DNAI3: variants seen among roughly 807,000 people sequenced by gnomAD.
The protein encoded by DNAI3 is dynein axonemal intermediate chain 3.
DNAI3 carries 83 observed loss-of-function variants against 115.5 expected under a neutral mutation model. The observed-to-expected ratio is 0.72, with a 90% CI of 0.60 to 0.86. DNAI3 has a LOEUF of 0.86. Among genes scored for constraint, DNAI3 ranks in the 40% least tolerant of loss-of-function variants. DNAI3 has a pLI of 0.00. For synonymous variants in DNAI3, 320 were observed against 347.0 expected (o/e 0.92, Z 0.86); for missense variants, 1,004 against 1,075.8 (o/e 0.93, Z 0.93).
intron 13 of DNAI3, among the ~76,000 whole-genome samples, chr1:85,100,837 A>C (rs1372318093): frequency 8.5e-5 from 13 of 152,284 alleles, no homozygotes; most frequent in Non-Finnish European, 1.6e-4. Flanking sequence ...CATGGATGAA[A>C]CTGGAAACCA....
intron 9 of DNAI3, 87 bp downstream of exon 9, chr1:85,093,735 T>C: frequency 6.7e-7 from 1 of 1,500,922 alleles, no homozygotes; most frequent in African/African-American, 1.4e-5. Flanking sequence ...ACTAGTTCAA[T>C]GTCAATAAGA....
At chr1:85,108,321 A>G in intron 15 of DNAI3, 144 bp downstream of exon 15, 1 of 881,302 alleles carries the variant, frequency 1.1e-6, no homozygotes. Flanking sequence ...TTATTCAACC[A>G]ATAAATTCCT....
At chr1:85,112,451 C>A (rs570776163) in intron 16 of DNAI3, among the ~76,000 whole-genome samples, 1 of 152,180 alleles carries the variant, frequency 6.6e-6, no homozygotes, top group African/African-American at 2.4e-5. Flanking sequence ...CTGGGTACAT[C>A]CCTAGGAATA....
rs1376712490 is a variant in DNAI3 at position 85,084,657 on chromosome 1, G to T, written c.502G>T (p.Glu168Ter). 4 of 1,551,152 alleles carry T rather than the reference G, an allele frequency of 2.6e-6. No homozygotes were observed. Among genetic ancestry groups the T allele is most frequent in the Non-Finnish European group, 3.5e-6 (4 of 1,148,266 alleles). The change falls in exon 6 of 23, where the codon GAA becomes TAA. Residue 168 changes from glutamate (E) to a stop codon, truncating the protein, a stop_gained. Transcript: ENST00000294664. LOFTEE classifies it high-confidence loss of function. ...KPWVSLGSEK[E>*]IEEESVTEST... ...ATGGGTTTCTTTGGGCAGTGAAAAA[G>T]AAATTGAGGAAGAATCAGTTACGGA...
rs72166976 is a variant in DNAI3 at position 85,101,727 on chromosome 1, C to CAAAAA, written c.1480-2776_1480-2772dup. ...TGGGCGACAGAGCGAGACTCCATCT[C>CAAAAA]AAAAAAAAAAAAAAAAAAAAAAAAA... is the stretch of plus-strand genomic sequence containing the variant. On this transcript the variant is annotated intron_variant, in intron 13 of 22. Transcript: ENST00000294664. 1.2e-3 allele frequency among the ~76,000 whole-genome samples: 17 copies of CAAAAA among 14,436 alleles called. 2 individuals are homozygous for CAAAAA. The highest frequency in any genetic ancestry group is 1.9e-3 in the African/African-American group (6 of 3,162). The allele number at this position is 14,436 out of a possible 152,430, so 9.5% of individuals were successfully genotyped here.
intron 14 of DNAI3, among the ~76,000 whole-genome samples, chr1:85,106,338 T>C (rs1033245348): frequency 6.6e-5 from 10 of 152,116 alleles, no homozygotes; most frequent in Non-Finnish European, 7.4e-5. Flanking sequence ...AACCACAGAA[T>C]AGGAAAAAAT....
At chr1:85,126,119 A>G (rs1656126054) in intron 19 of DNAI3, among the ~76,000 whole-genome samples, 2 of 152,188 alleles carry the variant, frequency 1.3e-5, no homozygotes, top group Admixed American at 6.5e-5. Flanking sequence ...AGCTGTTTCC[A>G]TGGGAAGCAG....
chr1:85,081,540 C>A, intron 4 of DNAI3, 125 bp downstream of exon 4: 2 of 780,986 alleles, frequency 2.6e-6, no homozygotes, highest in Non-Finnish European at 1.9e-6. Flanking sequence ...GCTAGCTTGC[C>A]CACCCCTCCT....
At chr1:85,092,962 A>G (rs78537839) in intron 8 of DNAI3, among the ~76,000 whole-genome samples, 2 of 152,218 alleles carry the variant, frequency 1.3e-5, no homozygotes, top group Non-Finnish European at 2.9e-5. Flanking sequence ...GAAAACTGCC[A>G]TTTGTGACAG....
chr1:85,082,362 T>C lies in DNAI3; in HGVS notation c.348T>C (p.Phe116=). The C allele has an allele frequency of 6.2e-7, 1 of 1,613,996 alleles. No homozygotes were observed. The highest frequency in any genetic ancestry group is 1.6e-4 in the Middle Eastern group (1 of 6,062). ...AAGACTTCAAATATGGACTTAACTT[T>C]TATCTTATTGCAACTGAAGAGGGCA... ...YDKDFKYGLN[F]YLIATEEGKE... Residue 116 remains phenylalanine, a synonymous_variant, in exon 5 of 23, where the codon TTT becomes TTC. Transcript: ENST00000294664.
intron 5 of DNAI3, among the ~76,000 whole-genome samples, chr1:85,084,330 TTTC>T (rs2100570348): frequency 6.7e-6 from 1 of 148,290 alleles, no homozygotes; most frequent in East Asian, 2.0e-4. Flanking sequence ...CTACTGTCTT[TTTC>T]TTCTTTCTAT....
intron 21 of DNAI3, 100 bp downstream of exon 21, chr1:85,128,899 AG>A: frequency 1.0e-6 from 1 of 989,102 alleles, no homozygotes; most frequent in South Asian, 1.4e-5. Flanking sequence ...TTGCTCTGTA[AG>A]GGAACAAAAG....
At chr1:85,071,499 C>T (rs1286826279) in intron 1 of DNAI3, among the ~76,000 whole-genome samples, 2 of 152,184 alleles carry the variant, frequency 1.3e-5, no homozygotes, top group East Asian at 1.9e-4. Flanking sequence ...TATGCATATG[C>T]ACACTGTGGG....
chr1:85,084,795 C>G, intron 6 of DNAI3, 100 bp downstream of exon 6: 2 of 1,194,294 alleles, frequency 1.7e-6, no homozygotes, highest in East Asian at 3.0e-5. Flanking sequence ...GCTATGGAGG[C>G]ATAGTTTTTG....
At chr1:85,073,182 T>C (rs1350203260) in intron 3 of DNAI3, 90 bp downstream of exon 3, 5 of 946,332 alleles carry the variant, frequency 5.3e-6, no homozygotes, top group Admixed American at 2.7e-5. Flanking sequence ...CAAACTGAAG[T>C]GATCAATCAA....
intron 13 of DNAI3, among the ~76,000 whole-genome samples, chr1:85,104,287 A>AT (rs1373324597): frequency 1.3e-4 from 19 of 151,740 alleles, no homozygotes; most frequent in African/African-American, 1.9e-4. Flanking sequence ...CGCCCGGCTA[A>AT]TTTTTTGTAT....
chr1:85,128,761 G>T lies in DNAI3; in HGVS notation c.2371G>T (p.Glu791Ter). Residue 791 changes from glutamate (E) to a stop codon, truncating the protein, a stop_gained, in exon 21 of 23, where the codon GAA becomes TAA. Coordinates refer to ENST00000294664, the MANE Select transcript of DNAI3 (RefSeq NM_145172.5). LOFTEE classifies it high-confidence loss of function. ...ADYYGTLHIL[E>*]IPWTLSRPST... Reference sequence around the variant, plus strand: ...TTATTATGGAACACTGCATATATTAGAAATTCCTTGGACATTAAGTCGCCC... The same window carrying T: ...TTATTATGGAACACTGCATATATTATAAATTCCTTGGACATTAAGTCGCCC... 1 of 1,613,026 alleles carries T rather than the reference G, an allele frequency of 6.2e-7. No individual in the cohort carries two copies. The highest frequency in any genetic ancestry group is 2.2e-5 in the East Asian group (1 of 44,840).
chr1:85,068,373 C>T lies in DNAI3; in HGVS notation c.-14-3555C>T, dbSNP rs186262509. 4.9e-4 allele frequency among the ~76,000 whole-genome samples: 75 copies of T among 152,096 alleles called. 1 individual carries two copies. Among genetic ancestry groups the T allele is most frequent in the Admixed American group, 1.6e-3 (24 of 15,266 alleles). Reference sequence around the variant, plus strand: ...TCATTGATGTTATCCTTCTCATAAGCGATATGTTCAAGTCACCAGTGAATC... The same window carrying T: ...TCATTGATGTTATCCTTCTCATAAGTGATATGTTCAAGTCACCAGTGAATC... On this transcript the variant is annotated intron_variant, in intron 1 of 22. Transcript: ENST00000294664.
At chr1:85,108,691 G>A (rs545122919) in intron 15 of DNAI3, among the ~76,000 whole-genome samples, 2 of 152,224 alleles carry the variant, frequency 1.3e-5, no homozygotes, top group South Asian at 4.2e-4. Flanking sequence ...TAATTTTGGG[G>A]TTTGGGCTTC....
Sources: allele counts gnomAD v4.1 joint callset (sites outside exome capture counted in the v4.1 genomes callset), GRCh38; gene constraint gnomAD v4.1.1; transcripts MANE v1.5; gene names NCBI Gene and HGNC (gene_info 2026-07-23, HGNC 2026-07-21).